STXBP6: variants seen among roughly 807,000 people sequenced by gnomAD.
The protein encoded by STXBP6 is syntaxin-binding protein 6.
A neutral mutation model predicts 26.9 loss-of-function variants in STXBP6; 21 were observed. That is an observed-to-expected ratio of 0.78 (90% CI 0.55 to 1.12). The LOEUF is 1.12. Ranked by LOEUF, STXBP6 falls within the 50% of genes most tolerant of loss-of-function variation. The pLI, the probability that STXBP6 is intolerant of heterozygous loss-of-function variation, is 0.00. For synonymous variants in STXBP6, 97 were observed against 92.6 expected, an observed-to-expected ratio of 1.05 and a Z score of -0.27; for missense variants, 232 against 257.9, an observed-to-expected ratio of 0.90 and a Z score of 0.69.
intron 1 of STXBP6, chr14:25,010,515 A>G (rs1257993706): frequency 6.6e-6 from 1 of 152,252 alleles, no homozygotes; most frequent in African/African-American, 2.4e-5. Context: ...TTTATAAGGC[A>G]TTTACCTACC....
rs149579522 is a variant in STXBP6, at chr14:24,840,519, G to A, written c.451+15417C>T. On this transcript the variant is annotated intron_variant, in intron 4 of 5. Transcript: ENST00000323944. Reference sequence around the variant, plus strand: ...CCAATTTGGGCCCATTACTCCCAGAGCTTTCCTGGCTTCTGCTCCATTGTT... The same window carrying A: ...CCAATTTGGGCCCATTACTCCCAGAACTTTCCTGGCTTCTGCTCCATTGTT... Among the ~76,000 whole-genome samples, 986 of 152,296 alleles carry A rather than the reference G, an allele frequency of 6.5e-3. 12 individuals are homozygous for A. Among genetic ancestry groups the A allele is most frequent in the African/African-American group, 0.023 (953 of 41,558 alleles).
intron 2 of STXBP6, among the ~76,000 whole-genome samples, chr14:24,862,741 AAGTCTTTCAGTAG>A: frequency 6.6e-6 from 1 of 152,190 alleles, no homozygotes; most frequent in African/African-American, 2.4e-5. Flanking sequence ...CAGTTTGGGT[AAGTCTTTCAGTAG>A]AAGGAGAAAA....
chr14:24,906,452 T>A (rs2071389962), intron 2 of STXBP6, among the ~76,000 whole-genome samples: 1 of 152,212 alleles, frequency 6.6e-6, no homozygotes, highest in African/African-American at 2.4e-5. Flanking sequence ...TTGATGATGA[T>A]CATCTGTGTG....
chr14:24,816,869 C>T (rs1297042887), intron 5 of STXBP6: 1 of 152,124 alleles, frequency 6.6e-6, no homozygotes, highest in East Asian at 1.9e-4. Context: ...TATCAATTCT[C>T]CAATCCCTCT....
At chr14:24,999,472 A>T (rs1427302443) in intron 1 of STXBP6, among the ~76,000 whole-genome samples, 3 of 152,186 alleles carry the variant, frequency 2.0e-5, no homozygotes, top group Non-Finnish European at 4.4e-5. Context: ...TCTAGGATAT[A>T]AAAAAAGATA....
chr14:24,918,012 C>T (rs1253490123), intron 2 of STXBP6, among the ~76,000 whole-genome samples: 1 of 151,998 alleles, frequency 6.6e-6, no homozygotes, highest in Non-Finnish European at 1.5e-5. Context: ...TGAAAGAAGC[C>T]AATCACAAAA....
intron 2 of STXBP6, among the ~76,000 whole-genome samples, chr14:24,955,408 T>C (rs1421791462): frequency 1.3e-5 from 2 of 152,214 alleles, no homozygotes; most frequent in African/African-American, 4.8e-5. Flanking sequence ...TCATCTTTCC[T>C]ACACTGGTGG....
At chr14:24,866,840 A>T (rs2069740487) in intron 2 of STXBP6, among the ~76,000 whole-genome samples, 1 of 151,936 alleles carries the variant, frequency 6.6e-6, no homozygotes, top group South Asian at 2.1e-4. Context: ...CCCCAATTTG[A>T]TCTAAAGATT....
In STXBP6 at chr14:24,897,909, G is replaced by A. The variant is rs146873677; in HGVS notation, c.155-40752C>T. Among the ~76,000 whole-genome samples, 504 of 152,240 alleles carry A rather than the reference G, an allele frequency of 3.3e-3. 2 individuals carry two copies. The highest frequency in any genetic ancestry group is 0.011 in the African/African-American group (477 of 41,538). On this transcript the variant is annotated intron_variant, in intron 2 of 5. Coordinates refer to ENST00000323944, the MANE Select transcript of STXBP6 (RefSeq NM_001394410.1). ...TAATAATTCTTAATTATTATCAGTT[G>A]TTGCCTCCTGGTCCCCTGAGTGTAA...
intron 2 of STXBP6, among the ~76,000 whole-genome samples, chr14:24,914,556 TCC>T (rs1297142411): frequency 6.6e-6 from 1 of 152,130 alleles, no homozygotes; most frequent in Non-Finnish European, 1.5e-5. Context: ...AATATCCATT[TCC>T]CCTTTTTCCT....
At chr14:25,015,667 T>C (rs1375897994) in intron 1 of STXBP6, among the ~76,000 whole-genome samples, 3 of 151,970 alleles carry the variant, frequency 2.0e-5, no homozygotes, top group Admixed American at 6.6e-5. Context: ...TAATTGAACA[T>C]GAAAAAAGAA....
rs147150910 is a variant in STXBP6, at chr14:24,923,379, A to G, written c.154+51286T>C. Among the ~76,000 whole-genome samples, 295 of 152,218 alleles carry G rather than the reference A, an allele frequency of 1.9e-3. 2 individuals are homozygous for G. Among genetic ancestry groups the G allele is most frequent in the African/African-American group, 6.8e-3 (284 of 41,536 alleles). ...TTATTTAAAATGCCACAATGTTTTT[A>G]TTCATTTTCCTATTCACAGTTACAT... On this transcript the variant is annotated intron_variant, in intron 2 of 5. Coordinates refer to ENST00000323944, the MANE Select transcript of STXBP6 (RefSeq NM_001394410.1).
intron 2 of STXBP6, among the ~76,000 whole-genome samples, chr14:24,918,016 C>A (rs1027264908): frequency 6.6e-6 from 1 of 151,980 alleles, no homozygotes; most frequent in Non-Finnish European, 1.5e-5. Context: ...AGAAGCCAAT[C>A]ACAAAAGGCT....
chr14:24,940,754 G>T (rs1009542673), intron 2 of STXBP6, among the ~76,000 whole-genome samples: 1 of 152,136 alleles, frequency 6.6e-6, no homozygotes, highest in Non-Finnish European at 1.5e-5. Flanking sequence ...GGTGGCTCAC[G>T]CCTGTAATCC....
At chr14:25,034,990 C>T (rs1268160143) in intron 1 of STXBP6, among the ~76,000 whole-genome samples, 1 of 151,746 alleles carries the variant, frequency 6.6e-6, no homozygotes, top group Non-Finnish European at 1.5e-5. Flanking sequence ...GTCTCTACTA[C>T]AAATACAAAA....
intron 4 of STXBP6, among the ~76,000 whole-genome samples, chr14:24,841,579 G>A (rs1002714704): frequency 2.0e-5 from 3 of 152,104 alleles, no homozygotes; most frequent in Non-Finnish European, 4.4e-5. Flanking sequence ...TATCTTCCAT[G>A]TACAACTCAT....
chr14:24,824,388 A>G (rs1268875018), intron 4 of STXBP6, among the ~76,000 whole-genome samples: 1 of 152,278 alleles, frequency 6.6e-6, no homozygotes, highest in Middle Eastern at 3.4e-3. Flanking sequence ...CTGTCACTAA[A>G]TATTTTATAG....
chr14:24,876,070 T>C (rs1459912264), intron 2 of STXBP6, among the ~76,000 whole-genome samples: 1 of 152,066 alleles, frequency 6.6e-6, no homozygotes, highest in Non-Finnish European at 1.5e-5. Flanking sequence ...GAAAGCAGTG[T>C]CATTTGTGCT....
intron 4 of STXBP6, among the ~76,000 whole-genome samples, chr14:24,833,953 T>A (rs935365697): frequency 6.6e-6 from 1 of 152,186 alleles, no homozygotes; most frequent in Non-Finnish European, 1.5e-5. Flanking sequence ...TTTTCACACC[T>A]CCTCTGTTTA....
Sources: gnomAD v4.1 joint callset for allele counts (sites outside exome capture counted in the v4.1 genomes callset) on GRCh38, gnomAD v4.1.1 for gene constraint, MANE v1.5 for transcripts, NCBI Gene and HGNC (gene_info 2026-07-23, HGNC 2026-07-21) for gene names.